Variants in PPP1R16B observed in about 807,000 individuals in gnomAD.
PPP1R16B encodes protein phosphatase 1 regulatory subunit 16B.
In PPP1R16B, 14 loss-of-function variants were observed where a neutral mutation model predicts 61.7. The observed-to-expected ratio is 0.23, with a 90% CI of 0.15 to 0.35. The LOEUF (loss-of-function observed/expected upper bound fraction) is 0.35. PPP1R16B is among the 10% of genes least tolerant of loss of function. The pLI is 1.00. For synonymous variants in PPP1R16B, 266 were observed against 305.3 expected (o/e 0.87, Z 1.34); for missense variants, 547 against 752.5 (o/e 0.73, Z 3.19).
intron 2 of PPP1R16B, among the ~76,000 whole-genome samples, chr20:38,846,140 G>C (rs1458609688): frequency 6.6e-6 from 1 of 152,184 alleles, no homozygotes; most frequent in African/African-American, 2.4e-5. Context: ...AGTTCTATAG[G>C]ACTGTCCAAG....
chr20:38,860,747 T>C (rs1742997919), intron 2 of PPP1R16B, among the ~76,000 whole-genome samples: 1 of 152,216 alleles, frequency 6.6e-6, no homozygotes, highest in Admixed American at 6.5e-5. Context: ...GCCAGCAATT[T>C]TCTGTGCATC....
At chr20:38,881,451 C>A (rs2085202738) in intron 2 of PPP1R16B, among the ~76,000 whole-genome samples, 2 of 152,162 alleles carry the variant, frequency 1.3e-5, no homozygotes, top group African/African-American at 2.4e-5. Context: ...CCTGACAGCA[C>A]CTTGAAGAGG....
intron 1 of PPP1R16B, among the ~76,000 whole-genome samples, chr20:38,834,062 C>A (rs1429888866): frequency 1.3e-5 from 2 of 152,258 alleles, no homozygotes; most frequent in African/African-American, 2.4e-5. Context: ...ATAAACCAGC[C>A]TTGCCTGCTG....
intron 2 of PPP1R16B, among the ~76,000 whole-genome samples, chr20:38,847,004 A>G (rs903770332): frequency 1.8e-4 from 27 of 152,170 alleles, no homozygotes; most frequent in South Asian, 4.1e-4. Context: ...CCTGTCTCCA[A>G]AAAACTAAAT....
At chr20:38,843,498 G>A (rs928312365) in intron 2 of PPP1R16B, among the ~76,000 whole-genome samples, 3 of 152,208 alleles carry the variant, frequency 2.0e-5, no homozygotes, top group African/African-American at 4.8e-5. Flanking sequence ...AGGACAGCTC[G>A]AGTGTTCTCT....
At chr20:38,860,183 G>A (rs1194841008) in intron 2 of PPP1R16B, among the ~76,000 whole-genome samples, 1 of 152,218 alleles carries the variant, frequency 6.6e-6, no homozygotes, top group Non-Finnish European at 1.5e-5. Flanking sequence ...GGTCAGGCTG[G>A]TCTCAAACTT....
chr20:38,875,669 A>G (rs2085160494), intron 2 of PPP1R16B, among the ~76,000 whole-genome samples: 1 of 152,098 alleles, frequency 6.6e-6, no homozygotes, highest in Non-Finnish European at 1.5e-5. Flanking sequence ...TGCAGCCTCC[A>G]CCATGCAGGT....
intron 10 of PPP1R16B, among the ~76,000 whole-genome samples, chr20:38,910,309 A>T (rs2085478096): frequency 6.6e-6 from 1 of 152,120 alleles, no homozygotes; most frequent in South Asian, 2.1e-4. Context: ...TGAGATTTTC[A>T]ACAACCTTTT....
intron 10 of PPP1R16B, among the ~76,000 whole-genome samples, chr20:38,916,597 G>GA (rs2085543413): frequency 6.6e-6 from 1 of 151,768 alleles, no homozygotes; most frequent in Non-Finnish European, 1.5e-5. Flanking sequence ...TAATGAGAGA[G>GA]AAAATCTGTG....
At chr20:38,848,486 A>G (rs895788391) in intron 2 of PPP1R16B, among the ~76,000 whole-genome samples, 39 of 152,296 alleles carry the variant, frequency 2.6e-4, no homozygotes, top group African/African-American at 9.4e-4. Context: ...TACTGCTTTC[A>G]TCCTTGTAGG....
At chr20:38,878,691 G>A (rs190426352) in intron 2 of PPP1R16B, among the ~76,000 whole-genome samples, 1 of 152,290 alleles carries the variant, frequency 6.6e-6, no homozygotes, top group East Asian at 1.9e-4. Context: ...GATAATACAT[G>A]TAACATCCTG....
intron 4 of PPP1R16B, among the ~76,000 whole-genome samples, chr20:38,898,795 G>A (rs1335525731): frequency 1.4e-5 from 2 of 145,464 alleles, no homozygotes; most frequent in Non-Finnish European, 3.0e-5. Context: ...GGGTGATGGA[G>A]CAAGACCTTG....
rs1011373596 is a variant in PPP1R16B, at chr20:38,920,702, A to G, written c.*2036A>G. ...CTCAGCATCAGGCCACCTCCACCCC[A>G]ATGCCAGGATAGATGTATTCTAGAG... On this transcript the variant is annotated 3_prime_UTR_variant, in exon 11 of 11. Coordinates refer to ENST00000299824, the MANE Select transcript of PPP1R16B (RefSeq NM_015568.4). 3.3e-5 allele frequency: 5 copies of G among 152,380 alleles called. No individual in the cohort carries two copies. Among genetic ancestry groups the G allele is most frequent in the Non-Finnish European group, 7.3e-5 (5 of 68,186 alleles). 9.4% of individuals were successfully genotyped at this position (152,380 alleles called of 1,614,324 possible).
chr20:38,910,761 G>T (rs1040920026), intron 10 of PPP1R16B, among the ~76,000 whole-genome samples: 1 of 152,118 alleles, frequency 6.6e-6, no homozygotes, highest in Non-Finnish European at 1.5e-5. Flanking sequence ...ACTTTGGGAG[G>T]CCGAGGTGGG....
chr20:38,907,823 G>C lies in PPP1R16B; in HGVS notation c.916G>C (p.Glu306Gln), dbSNP rs1332572122. 2.5e-6 allele frequency: 4 copies of C among 1,614,176 alleles called. No homozygotes were observed. Among genetic ancestry groups the C allele is most frequent in the Non-Finnish European group, 3.4e-6 (4 of 1,180,010 alleles). ...EMPIDLCEEEEFKVLLLELKH... is the reference protein window; with the variant it reads ...EMPIDLCEEEQFKVLLLELKH... ...CCCTTCAGACCTGTGCGAGGAGGAA[G>C]AGTTCAAGGTCCTGCTGCTGGAGCT... The change falls in exon 9 of 11, where the codon GAG becomes CAG. Residue 306 changes from glutamate (E) to glutamine (Q), a missense_variant. Coordinates refer to ENST00000299824, the MANE Select transcript of PPP1R16B (RefSeq NM_015568.4). This position sits in a 1 kb window ranked among gnomAD's most constrained non-coding sequence, Gnocchi z 4.5.
chr20:38,878,878 G>T lies in PPP1R16B; in HGVS notation c.251-10717G>T, dbSNP rs1431732567. 6.6e-5 allele frequency among the ~76,000 whole-genome samples: 10 copies of T among 152,212 alleles called. 1 individual carries two copies. Among genetic ancestry groups the T allele is most frequent in the Admixed American group, 2.0e-4 (3 of 15,276 alleles). The stretch of plus-strand genomic sequence containing the variant: ...GGACTATTTTTAAAAATTCAGGATT[G>T]ATAGCTGGAAGGAGAAGTGAGGTGA... On this transcript the variant is annotated intron_variant, in intron 2 of 10. Transcript: ENST00000299824.
intron 2 of PPP1R16B, among the ~76,000 whole-genome samples, chr20:38,846,285 C>A (rs904838190): frequency 6.0e-4 from 92 of 152,132 alleles, no homozygotes; most frequent in African/African-American, 2.1e-3. Context: ...GCAGTATTTT[C>A]AAAAATGCAG....
chr20:38,858,196 C>T (rs1203792182), intron 2 of PPP1R16B, among the ~76,000 whole-genome samples: 1 of 152,134 alleles, frequency 6.6e-6, no homozygotes, highest in Admixed American at 6.6e-5. Flanking sequence ...TTCCATCGCA[C>T]TGGGGATAGG....
At position 38,866,259 on chromosome 20, in the gene PPP1R16B, G is replaced by C. The variant is rs971862440; in HGVS notation, c.251-23336G>C. Among the ~76,000 whole-genome samples, 6 of 152,254 alleles carry C rather than the reference G, an allele frequency of 3.9e-5. No individual in the cohort carries two copies. In the East Asian group the frequency reaches 1.2e-3, roughly 29 times the overall value. ...GGAACAGAATAGCTCCTAAATCCCG[G>C]GTGTGCTGTCCTCTGTGGGCTGAGT... On this transcript the variant is annotated intron_variant, in intron 2 of 10. Transcript: ENST00000299824.
Sources: gnomAD v4.1 joint callset for allele counts (sites outside exome capture counted in the v4.1 genomes callset) on GRCh38, gnomAD v4.1.1 for gene constraint, Gnocchi (gnomAD v3.1) non-coding constraint, MANE v1.5 for transcripts, NCBI Gene and HGNC (gene_info 2026-07-23, HGNC 2026-07-21) for gene names.